LRP1B: variants seen among roughly 807,000 people sequenced by gnomAD.
The protein encoded by LRP1B is low-density lipoprotein receptor-related protein 1B.
Under a neutral mutation model 556.6 loss-of-function variants are expected in LRP1B, and 217 were observed. That is an observed-to-expected ratio of 0.39 (90% CI 0.35 to 0.44). The LOEUF (loss-of-function observed/expected upper bound fraction) is 0.44. Among genes scored for constraint, LRP1B ranks in the 20% least tolerant of loss-of-function variants. The probability of loss-of-function intolerance (pLI) is 1.00; values close to 1 mark genes in which losing one functional copy is unlikely to be tolerated. For synonymous variants in LRP1B, 2,047 were observed against 1,865.8 expected, an observed-to-expected ratio of 1.10 and a Z score of -2.50; for missense variants, 5,053 against 5,620.8, an observed-to-expected ratio of 0.90 and a Z score of 3.23.
intron 3 of LRP1B, among the ~76,000 whole-genome samples, chr2:141,399,579 A>G (rs937751290): frequency 5.3e-5 from 8 of 152,182 alleles, no homozygotes; most frequent in African/African-American, 1.7e-4. Flanking sequence ...CAGAACTAAT[A>G]TAACTATAAC....
In LRP1B at chr2:141,828,291, C is replaced by G. The variant is rs369683022; in HGVS notation, c.83-17890G>C. Among the ~76,000 whole-genome samples, 55 of 152,118 alleles carry G rather than the reference C, an allele frequency of 3.6e-4. No individual in the cohort carries two copies. In the Middle Eastern group the frequency reaches 0.01, roughly 28 times the overall value. ...ATTATGAAAAGCTACCAAGGAAACA[C>G]ATTTCTCTATCATTATTTAAATGAC... On this transcript the variant is annotated intron_variant, in intron 1 of 90. Coordinates refer to ENST00000389484, the MANE Select transcript of LRP1B (RefSeq NM_018557.3).
At chr2:141,695,282 T>A (rs1362562977) in intron 2 of LRP1B, among the ~76,000 whole-genome samples, 1 of 151,998 alleles carries the variant, frequency 6.6e-6, no homozygotes, top group Non-Finnish European at 1.5e-5. Flanking sequence ...CTGGGGCAAA[T>A]TTACTGCATT....
chr2:141,575,186 CA>C (rs1427349833), intron 2 of LRP1B, among the ~76,000 whole-genome samples: 8 of 152,140 alleles, frequency 5.3e-5, no homozygotes, highest in Non-Finnish European at 1.2e-4. Flanking sequence ...AAGTTGGAAG[CA>C]TCACGCTACC....
chr2:141,744,632 G>A (rs1225508767), intron 2 of LRP1B, among the ~76,000 whole-genome samples: 1 of 152,106 alleles, frequency 6.6e-6, no homozygotes, highest in Non-Finnish European at 1.5e-5. Context: ...AATAATATTT[G>A]CTATTTTGAA....
chr2:141,731,163 G>A (rs1693258430), intron 2 of LRP1B, among the ~76,000 whole-genome samples: 1 of 152,076 alleles, frequency 6.6e-6, no homozygotes, highest in African/African-American at 2.4e-5. Flanking sequence ...ATTGGGTTAT[G>A]TATGCAGTGG....
intron 3 of LRP1B, among the ~76,000 whole-genome samples, chr2:141,303,975 T>C (rs1327081652): frequency 3.3e-5 from 5 of 152,316 alleles, no homozygotes; most frequent in Admixed American, 1.3e-4. Context: ...AAAGATGACA[T>C]CTCATTGTGG....
rs187990590 is a variant in LRP1B, at chr2:140,523,652, C to G, written c.8026+2192G>C. On this transcript the variant is annotated intron_variant, in intron 49 of 90. Coordinates refer to ENST00000389484, the MANE Select transcript of LRP1B (RefSeq NM_018557.3). Reference sequence around the variant, plus strand: ...CCTAAAGACTCTGCAAAAAAGGCCCCTAGATCTCATAATCAAGTTTAGTGA... The same window carrying G: ...CCTAAAGACTCTGCAAAAAAGGCCCGTAGATCTCATAATCAAGTTTAGTGA... Among the ~76,000 whole-genome samples, 94 of 151,932 alleles carry G rather than the reference C, an allele frequency of 6.2e-4. 1 individual carries two copies. The highest frequency in any genetic ancestry group is 3.4e-3 in the Admixed American group (51 of 15,210).
chr2:141,684,967 G>A (rs1691243188), intron 2 of LRP1B, among the ~76,000 whole-genome samples: 1 of 152,058 alleles, frequency 6.6e-6, no homozygotes, highest in Non-Finnish European at 1.5e-5. Flanking sequence ...TCTCAGGGCA[G>A]AGCTGCACTC....
rs149353509 is a variant in LRP1B, at chr2:141,013,701, C to A, written c.2235G>T (p.Ser745=). 1 of 1,600,472 alleles carries A rather than the reference C, an allele frequency of 6.2e-7. No homozygotes were observed. Among genetic ancestry groups the A allele is most frequent in the Non-Finnish European group, 8.5e-7 (1 of 1,173,780 alleles). The part of the protein sequence containing the change: ...GRELNHPFGL[S]HHGNYVFWTD... Reference sequence around the variant, plus strand: ...TCCAGAACACATAATTTCCATGATGCGACAGTCCGAAAGGGTGGTTCAACT... The same window carrying A: ...TCCAGAACACATAATTTCCATGATGAGACAGTCCGAAAGGGTGGTTCAACT... Residue 745 remains serine (S), a synonymous_variant, in exon 14 of 91, where the codon TCG becomes TCT. Coordinates refer to ENST00000389484, the MANE Select transcript of LRP1B (RefSeq NM_018557.3).
At chr2:140,318,143 A>G (rs1056376457) in intron 82 of LRP1B, among the ~76,000 whole-genome samples, 1 of 152,126 alleles carries the variant, frequency 6.6e-6, no homozygotes, top group East Asian at 1.9e-4. Flanking sequence ...AAAGAAATGA[A>G]AAGCTTGGCT....
chr2:141,437,777 G>A (rs4352181), intron 3 of LRP1B, among the ~76,000 whole-genome samples: 28,183 of 151,264 alleles, frequency 0.19, 3,476 homozygotes, highest in East Asian at 0.45. Flanking sequence ...AAGCAGAAGG[G>A]GAGAAAAAAT....
At chr2:141,986,647 A>C (rs1033836088) in intron 1 of LRP1B, among the ~76,000 whole-genome samples, 4 of 151,632 alleles carry the variant, frequency 2.6e-5, no homozygotes, top group Admixed American at 6.6e-5. Context: ...GCCTTGTTAG[A>C]GTTAACAGAT....
intron 47 of LRP1B, 65 bp downstream of exon 47, chr2:140,533,956 T>A: frequency 1.3e-6 from 2 of 1,579,270 alleles, no homozygotes; most frequent in Non-Finnish European, 1.7e-6. Flanking sequence ...CAGAAACGAA[T>A]GTTGGAAAAG....
In LRP1B at chr2:141,533,612, T is replaced by A. The variant is rs4611596; in HGVS notation, c.206-53079A>T. ...AATTTTAAACAACCTAATATCGGAA[T>A]CTCCTACTAAAATGAGGACACCATT... On this transcript the variant is annotated intron_variant, in intron 2 of 90. Coordinates refer to ENST00000389484, the MANE Select transcript of LRP1B (RefSeq NM_018557.3). 1.2e-4 allele frequency among the ~76,000 whole-genome samples: 19 copies of A among 152,098 alleles called. No individual in the cohort carries two copies. In the South Asian group the frequency reaches 1.9e-3, roughly 15 times the overall value.
At chr2:141,654,711 T>C (rs986056105) in intron 2 of LRP1B, among the ~76,000 whole-genome samples, 1 of 152,064 alleles carries the variant, frequency 6.6e-6, no homozygotes, top group Non-Finnish European at 1.5e-5. Context: ...GCACCCAAAT[T>C]TGAAGTACTC....
intron 7 of LRP1B, among the ~76,000 whole-genome samples, chr2:141,179,059 T>A (rs924066766): frequency 4.6e-5 from 7 of 152,110 alleles, no homozygotes; most frequent in African/African-American, 1.7e-4. Flanking sequence ...GTATAAATTA[T>A]AATTGTTTTA....
chr2:141,210,624 G>A (rs1682501194), intron 6 of LRP1B, among the ~76,000 whole-genome samples: 1 of 151,980 alleles, frequency 6.6e-6, no homozygotes, highest in Non-Finnish European at 1.5e-5. Context: ...GCACAGTGAT[G>A]GTATCATCAA....
intron 10 of LRP1B, among the ~76,000 whole-genome samples, chr2:141,051,396 A>G (rs1699031460): frequency 6.6e-6 from 1 of 152,118 alleles, no homozygotes; most frequent in Non-Finnish European, 1.5e-5. Flanking sequence ...TCAATGAAAG[A>G]CTGGATAAAG....
chr2:140,643,754 G>A (rs1463634943), intron 41 of LRP1B, among the ~76,000 whole-genome samples: 1 of 152,112 alleles, frequency 6.6e-6, no homozygotes, highest in Non-Finnish European at 1.5e-5. Flanking sequence ...AAACTTGAAT[G>A]TACGTAATCA....
Sources: allele counts gnomAD v4.1 joint callset (sites outside exome capture counted in the v4.1 genomes callset), GRCh38; gene constraint gnomAD v4.1.1; transcripts MANE v1.5; gene names NCBI Gene and HGNC (gene_info 2026-07-23, HGNC 2026-07-21).